Variants in PCNX1 observed in about 807,000 individuals in gnomAD.
The protein encoded by PCNX1 is pecanex-like protein 1.
A neutral mutation model predicts 242.2 loss-of-function variants in PCNX1; 78 were observed. That is an observed-to-expected ratio of 0.32 (90% CI 0.27 to 0.39). The LOEUF (loss-of-function observed/expected upper bound fraction) is 0.39, where lower values mean the gene tolerates loss of function less well. Among genes scored for constraint, PCNX1 ranks in the 10% least tolerant of loss-of-function variants. The probability of loss-of-function intolerance (pLI) is 1.00; values close to 1 mark genes in which losing one functional copy is unlikely to be tolerated. For missense variants in PCNX1, 2,581 were observed against 2,856.5 expected, an observed-to-expected ratio of 0.90 and a Z score of 2.20; for synonymous variants, 1,024 against 1,032.9, an observed-to-expected ratio of 0.99 and a Z score of 0.17.
intron 1 of PCNX1, among the ~76,000 whole-genome samples, chr14:70,919,154 G>A (rs1337635545): frequency 6.6e-6 from 1 of 152,112 alleles, no homozygotes; most frequent in South Asian, 2.1e-4. Flanking sequence ...GAGTCACTGG[G>A]ATTACGGGCA....
chr14:70,988,966 A>G (rs1353121727), intron 7 of PCNX1, among the ~76,000 whole-genome samples: 1 of 151,406 alleles, frequency 6.6e-6, no homozygotes, highest in Non-Finnish European at 1.5e-5. Context: ...GGATGTATAT[A>G]GTGGGCCTTA....
At chr14:71,055,105 G>A (rs2061144373) in intron 24 of PCNX1, among the ~76,000 whole-genome samples, 1 of 152,174 alleles carries the variant, frequency 6.6e-6, no homozygotes, top group African/African-American at 2.4e-5. Flanking sequence ...GGGAACTACT[G>A]TTCCAAAGAA....
chr14:71,073,716 G>T lies in PCNX1; in HGVS notation c.5024G>T (p.Gly1675Val). 2 of 1,613,906 alleles carry T rather than the reference G, an allele frequency of 1.2e-6. No homozygotes were observed. Among genetic ancestry groups the T allele is most frequent in the Non-Finnish European group, 1.7e-6 (2 of 1,179,864 alleles). The change falls in exon 27 of 36, where the codon GGT (glycine) becomes GTT (valine). Residue 1675 changes from glycine to valine, a missense_variant. Physicochemically the swap from Gly to Val is moderately radical, Grantham distance 109. Transcript: ENST00000304743. ...ATAGTCACAAAGTACATTCTGGAGG[G>T]TTATAGCATCACTGATAACAGTGCT... ...EVIVTKYILE[G>V]YSITDNSAAS...
chr14:70,922,546 C>T lies in PCNX1; in HGVS notation c.153+14543C>T, dbSNP rs1048563311. ...CTCTATCATCCACGCTACCAGTTCA[C>T]ATGCCTCAGAGATAATGGTTGTTTC... On this transcript the variant is annotated intron_variant, in intron 1 of 35. Transcript: ENST00000304743. Among the ~76,000 whole-genome samples, 16 of 152,086 alleles carry T rather than the reference C, an allele frequency of 1.1e-4. 1 individual carries two copies. The highest frequency in any genetic ancestry group is 9.2e-4 in the Admixed American group (14 of 15,268).
At chr14:71,061,691 A>G (rs933197110) in intron 26 of PCNX1, among the ~76,000 whole-genome samples, 15 of 152,332 alleles carry the variant, frequency 9.8e-5, no homozygotes, top group African/African-American at 3.1e-4. Context: ...GGAAGAAGAC[A>G]CTCAAGAGGT....
chr14:71,057,969 C>T (rs1212649600), intron 26 of PCNX1, among the ~76,000 whole-genome samples: 1 of 152,058 alleles, frequency 6.6e-6, no homozygotes, highest in Non-Finnish European at 1.5e-5. Context: ...ATTTGTTTTC[C>T]TAGATATGTT....
chr14:71,037,419 G>C (rs1356040308), intron 19 of PCNX1, among the ~76,000 whole-genome samples: 43 of 143,428 alleles, frequency 3.0e-4, no homozygotes, highest in African/African-American at 9.3e-4. Flanking sequence ...GATATTGGCT[G>C]TGGGTTTGTC....
intron 9 of PCNX1, among the ~76,000 whole-genome samples, chr14:71,011,063 C>T (rs900049068): frequency 3.3e-4 from 50 of 152,142 alleles, no homozygotes; most frequent in African/African-American, 1.2e-3. Flanking sequence ...GTGGTAAAGC[C>T]TCAAGTTTTG....
intron 7 of PCNX1, 34 bp from the exon 8 acceptor site, chr14:70,995,707 C>A (rs1333159762): frequency 6.3e-7 from 1 of 1,590,600 alleles, no homozygotes; most frequent in Admixed American, 1.7e-5. Flanking sequence ...CTTTTCTTCC[C>A]TGTAATGTCT....
At position 70,995,825 on chromosome 14, in the gene PCNX1, T is replaced by C; in HGVS notation, c.2529T>C (p.Ser843=). ...CCCCTTCCCAGGCTGCAGTGCTCAGTGCTAGTGCCTCCTTGCTGGTGAGAA... is the reference window on the plus strand; with the variant it reads ...CCCCTTCCCAGGCTGCAGTGCTCAGCGCTAGTGCCTCCTTGCTGGTGAGAA... ...SRPPSQAAVL[S]ASASLLVRNG... The change falls in exon 8 of 36, where the codon AGT becomes AGC. Residue 843 remains serine (S), a synonymous_variant. Coordinates refer to ENST00000304743, the MANE Select transcript of PCNX1 (RefSeq NM_014982.3). 1 of 1,613,942 alleles carries C rather than the reference T, an allele frequency of 6.2e-7. No individual in the cohort carries two copies. Among genetic ancestry groups the C allele is most frequent in the South Asian group, 1.1e-5 (1 of 91,072 alleles).
At chr14:70,934,621 G>A (rs1166129234) in intron 1 of PCNX1, among the ~76,000 whole-genome samples, 3 of 152,114 alleles carry the variant, frequency 2.0e-5, no homozygotes, top group African/African-American at 7.2e-5. Flanking sequence ...AGTAGTGTCA[G>A]TGTTGAAATA....
intron 26 of PCNX1, among the ~76,000 whole-genome samples, chr14:71,061,922 A>C (rs1025199786): frequency 3.9e-5 from 6 of 152,180 alleles, no homozygotes; most frequent in African/African-American, 1.4e-4. Flanking sequence ...CAGCTAGAGA[A>C]GAAAAAGAAG....
At chr14:71,052,371 G>T (rs972624108) in intron 24 of PCNX1, among the ~76,000 whole-genome samples, 1 of 151,930 alleles carries the variant, frequency 6.6e-6, no homozygotes, top group Non-Finnish European at 1.5e-5. Context: ...GAGCCACCAC[G>T]TCGGTTAATT....
In PCNX1 at chr14:70,907,974, C is replaced by G; in HGVS notation, c.124C>G (p.Leu42Val). 6.3e-7 allele frequency: 1 copy of G among 1,598,386 alleles called. No individual in the cohort carries two copies. The highest frequency in any genetic ancestry group is 1.4e-5 in the African/African-American group (1 of 73,474). ...NALHLYLWLF[L>V]LGLPFTLYMA... ...GCTGCACCTCTACCTGTGGCTCTTT[C>G]TGCTGGGCCTGCCCTTCACCCTCTA... Residue 42 changes from leucine (L) to valine (V), a missense_variant, in exon 1 of 36, where the codon CTG (leucine) becomes GTG (valine). By Grantham distance (32) the Leu-to-Val change is conservative. Transcript: ENST00000304743.
At chr14:70,970,214 AATT>A (rs1468274798) in intron 5 of PCNX1, among the ~76,000 whole-genome samples, 1 of 151,630 alleles carries the variant, frequency 6.6e-6, no homozygotes, top group Non-Finnish European at 1.5e-5. Flanking sequence ...TAATAAAAAA[AATT>A]TACCCGGGCA....
At position 70,988,607 on chromosome 14, in the gene PCNX1, A is replaced by G. The variant is rs754631428; in HGVS notation, c.2352A>G (p.Glu784=). The change falls in exon 7 of 36, where the codon GAA becomes GAG. Residue 784 remains glutamate, a synonymous_variant. Coordinates refer to ENST00000304743, the MANE Select transcript of PCNX1 (RefSeq NM_014982.3). ...ASEEAVSFRR[E]RSTFRRQAVR... ...AGGAGGCAGTGTCATTTCGCCGTGA[A>G]CGCAGCACATTTAGGCGCCAGGCAG... 1.9e-6 allele frequency: 3 copies of G among 1,614,120 alleles called. No individual in the cohort carries two copies. The highest frequency in any genetic ancestry group is 2.5e-6 in the Non-Finnish European group (3 of 1,180,000).
At chr14:70,913,974 T>A (rs144732571) in intron 1 of PCNX1, among the ~76,000 whole-genome samples, 1 of 152,292 alleles carries the variant, frequency 6.6e-6, no homozygotes, top group South Asian at 2.1e-4. Flanking sequence ...TTTTCAATAT[T>A]TAGGATCAAA....
intron 2 of PCNX1, among the ~76,000 whole-genome samples, chr14:70,954,351 A>G (rs941940299): frequency 2.0e-5 from 3 of 152,064 alleles, no homozygotes; most frequent in African/African-American, 7.2e-5. Context: ...TAAACCTCCT[A>G]CCATATTCTT....
chr14:70,935,301 C>CT (rs1322692736), intron 1 of PCNX1, among the ~76,000 whole-genome samples: 1 of 152,174 alleles, frequency 6.6e-6, no homozygotes, highest in African/African-American at 2.4e-5. Context: ...AATCCGAGCA[C>CT]TTTGCAAGGT....
Sources: allele counts gnomAD v4.1 joint callset (sites outside exome capture counted in the v4.1 genomes callset), GRCh38; gene constraint gnomAD v4.1.1; transcripts MANE v1.5; gene names NCBI Gene and HGNC (gene_info 2026-07-23, HGNC 2026-07-21).